MFSD11: variants seen among roughly 807,000 people sequenced by gnomAD.
MFSD11 encodes the protein UNC93-like protein MFSD11.
In MFSD11, 36 loss-of-function variants were observed where a neutral mutation model predicts 53.5. The observed-to-expected ratio is 0.67, with a 90% CI of 0.52 to 0.89. The LOEUF (loss-of-function observed/expected upper bound fraction) is 0.89, where lower values mean the gene tolerates loss of function less well. Ranked by LOEUF, MFSD11 falls within the 40% of genes least tolerant of loss-of-function variation. The probability of loss-of-function intolerance (pLI) is 0.00; values close to 1 mark genes in which losing one functional copy is unlikely to be tolerated. For synonymous variants in MFSD11, 186 were observed against 184.9 expected (o/e 1.01, Z -0.05); for missense variants, 530 against 543.9 (o/e 0.97, Z 0.25).
intron 8 of MFSD11, chr17:76,766,894 A>T (rs2080899136): frequency 6.5e-6 from 1 of 153,290 alleles, no homozygotes. Flanking sequence ...GCACAATGCA[A>T]GTTTCAGTCC....
At chr17:76,749,844 T>A (rs2078894630) in intron 7 of MFSD11, among the ~76,000 whole-genome samples, 1 of 146,838 alleles carries the variant, frequency 6.8e-6, no homozygotes, top group Non-Finnish European at 1.5e-5. Flanking sequence ...GAGCCAAGAT[T>A]GCACCGCAGC....
At chr17:76,743,857 C>T (rs529117147) in intron 6 of MFSD11, among the ~76,000 whole-genome samples, 17 of 152,214 alleles carry the variant, frequency 1.1e-4, no homozygotes, top group Non-Finnish European at 1.2e-4. Flanking sequence ...TCAGGTGATC[C>T]GCCCTCCTCA....
Position 76,738,423 on chromosome 17 carries a change from C to T in MFSD11, c.71C>T (p.Ala24Val). Residue 24 changes from alanine to valine, a missense_variant, in exon 1 of 13, where the codon GCC (alanine) becomes GTC (valine). Physicochemically the swap from Ala to Val is moderately conservative, Grantham distance 64. Coordinates refer to ENST00000685175, the MANE Select transcript of MFSD11 (RefSeq NM_001242532.5). ...GTTGCCTTTATGTTTATGTTCACTG[C>T]CTTTCAAACTTGTGGAAATGTGGCG... ...LGVAFMFMFT[A>V]FQTCGNVAQT... 1 of 1,613,882 alleles carries T rather than the reference C, an allele frequency of 6.2e-7. No homozygotes were observed. The highest frequency in any genetic ancestry group is 8.5e-7 in the Non-Finnish European group (1 of 1,179,742).
the MFSD11 span, among the ~76,000 whole-genome samples, chr17:76,791,604 G>A: frequency 0.017 from 2,586 of 148,620 alleles, 282 homozygotes; most frequent in African/African-American, 0.061. Context: ...TCCATGTGCC[G>A]TGGGGGAGCC....
the MFSD11 span, among the ~76,000 whole-genome samples, chr17:76,788,813 C>A: frequency 1.4e-5 from 2 of 146,124 alleles, 1 homozygote; most frequent in Admixed American, 1.4e-4. Context: ...CCAGCCTGGG[C>A]GACAGGACGA....
chr17:76,797,753 C>T, the MFSD11 span, among the ~76,000 whole-genome samples: 3 of 152,078 alleles, frequency 2.0e-5, no homozygotes, highest in Non-Finnish European at 4.4e-5. Flanking sequence ...GACACTACCC[C>T]CACTTACTTC....
chr17:76,792,023 C>T, the MFSD11 span, among the ~76,000 whole-genome samples: 1 of 148,846 alleles, frequency 6.7e-6, no homozygotes, highest in Admixed American at 6.7e-5. Context: ...ACATTTCATA[C>T]AGTGCCATGG....
intron 9 of MFSD11, among the ~76,000 whole-genome samples, chr17:76,768,305 C>CA (rs78066438): frequency 0.023 from 1,077 of 46,224 alleles, 8 homozygotes; most frequent in East Asian, 0.083. Context: ...ACCTCCGTCT[C>CA]AAAAAAAAAA....
At chr17:76,792,839 C>A in the MFSD11 span, among the ~76,000 whole-genome samples, 3 of 151,316 alleles carry the variant, frequency 2.0e-5, no homozygotes, top group Non-Finnish European at 4.4e-5. Flanking sequence ...AAGCATCCGC[C>A]GGGTTGAGAA....
In MFSD11 at chr17:76,776,933, G is replaced by A. The variant is rs947674974; in HGVS notation, c.1185+392G>A. 2.6e-5 allele frequency among the ~76,000 whole-genome samples: 4 copies of A among 151,726 alleles called. No homozygotes were observed. The highest frequency in any genetic ancestry group is 9.7e-5 in the African/African-American group (4 of 41,324). On this transcript the variant is annotated intron_variant, in intron 12 of 12. Coordinates refer to ENST00000685175, the MANE Select transcript of MFSD11 (RefSeq NM_001242532.5). The surrounding 1 kb of genome is among the most constrained non-coding windows in gnomAD (Gnocchi z 4.2). ...TCCCAAAGTGCTGGGGATTATATGC[G>A]TGAGCCACCGCACCTGGTCTATTTT...
intron 9 of MFSD11, among the ~76,000 whole-genome samples, chr17:76,768,692 A>G (rs922924477): frequency 7.9e-5 from 12 of 152,052 alleles, no homozygotes; most frequent in Admixed American, 2.0e-4. Context: ...GTAAGAATAT[A>G]ATTGAATAGG....
intron 9 of MFSD11, among the ~76,000 whole-genome samples, chr17:76,768,579 T>C (rs1450876390): frequency 1.3e-5 from 2 of 152,192 alleles, no homozygotes; most frequent in Non-Finnish European, 2.9e-5. Flanking sequence ...TTACTCTAAT[T>C]TTTTAATCTT....
intron 8 of MFSD11, among the ~76,000 whole-genome samples, chr17:76,760,065 C>A (rs188156437): frequency 1.2e-4 from 18 of 150,878 alleles, no homozygotes; most frequent in African/African-American, 4.4e-4. Context: ...GTCAGGAGTT[C>A]GAGACCAGCC....
At position 76,776,410 on chromosome 17, in the gene MFSD11, G is replaced by A. The variant is rs1437251094; in HGVS notation, c.1054G>A (p.Glu352Lys). Residue 352 changes from glutamate to lysine, a missense_variant, in exon 12 of 13, where the codon GAA becomes AAA. Coordinates refer to ENST00000685175, the MANE Select transcript of MFSD11 (RefSeq NM_001242532.5). This position sits in a 1 kb window ranked among gnomAD's most constrained non-coding sequence, Gnocchi z 4.2. Reference protein sequence around the residue: ...DSSAYIKSSKEVAILCSFLLG... With the variant: ...DSSAYIKSSKKVAILCSFLLG... ...ATTGATTTTTATTTTCTTCAGCAAA[G>A]AAGTTGCCATTCTCTGCAGTTTTCT... The A allele has an allele frequency of 1.9e-6, 3 of 1,613,236 alleles. No homozygotes were observed. The Admixed American group carries it at 5.0e-5, about 27-fold the overall frequency.
chr17:76,794,397 A>C, the MFSD11 span, among the ~76,000 whole-genome samples: 1 of 150,310 alleles, frequency 6.7e-6, no homozygotes, highest in Non-Finnish European at 1.5e-5. Context: ...GAATTGCTTG[A>C]ACCCAGGAGG....
the MFSD11 span, among the ~76,000 whole-genome samples, chr17:76,802,654 A>G: frequency 0.82 from 124,483 of 152,140 alleles, 52,346 homozygotes; most frequent in Non-Finnish European, 0.93. Flanking sequence ...CGAGGCAGGC[A>G]AATCACTTAA....
intron 8 of MFSD11, among the ~76,000 whole-genome samples, chr17:76,757,973 G>C (rs539965809): frequency 6.6e-6 from 1 of 152,070 alleles, no homozygotes; most frequent in African/African-American, 2.4e-5. Context: ...TTGCACCACT[G>C]TACTCCAGCC....
the MFSD11 span, among the ~76,000 whole-genome samples, chr17:76,796,312 G>C: frequency 6.6e-6 from 1 of 152,142 alleles, no homozygotes; most frequent in Admixed American, 6.6e-5. Flanking sequence ...AGTTCCCACA[G>C]ACTGAATCAC....
chr17:76,759,994 C>A (rs11658940), intron 8 of MFSD11, among the ~76,000 whole-genome samples: 150,188 of 151,772 alleles, frequency 0.99, 74,322 homozygotes, highest in East Asian at 1. Context: ...GAGACTGGGC[C>A]TGGTGGCTCA....
Sources: gnomAD v4.1 joint callset for allele counts (sites outside exome capture counted in the v4.1 genomes callset) on GRCh38, gnomAD v4.1.1 for gene constraint, Gnocchi (gnomAD v3.1) non-coding constraint, MANE v1.5 for transcripts, NCBI Gene and HGNC (gene_info 2026-07-23, HGNC 2026-07-21) for gene names.